The following USP9X variants were observed in gnomAD, a reference collection of about 807,000 sequenced individuals.
The protein encoded by USP9X is ubiquitin specific peptidase 9 X-linked.
USP9X carries 7 observed loss-of-function variants against 190.3 expected under a neutral mutation model. That is an observed-to-expected ratio of 0.04 (90% CI 0.02 to 0.07). The LOEUF (loss-of-function observed/expected upper bound fraction) is 0.07. Ranked by LOEUF, USP9X falls within the 10% of genes least tolerant of loss-of-function variation. The pLI is 1.00. For synonymous variants in USP9X, 645 were observed against 659.5 expected, an observed-to-expected ratio of 0.98 and a Z score of 0.34; for missense variants, 1,010 against 1,916.9, an observed-to-expected ratio of 0.53 and a Z score of 8.83.
intron 1 of USP9X, among the ~76,000 whole-genome samples, chrX:41,109,873 A>G (rs2062096391): frequency 8.9e-6 from 1 of 111,909 alleles, no homozygotes; most frequent in African/African-American, 3.3e-5. Context: ...GCAAATGATA[A>G]TGGCAGTGCT....
intron 11 of USP9X, among the ~76,000 whole-genome samples, chrX:41,146,517 A>G (rs992585850): frequency 9.0e-6 from 1 of 111,716 alleles, no homozygotes; most frequent in African/African-American, 3.2e-5. Flanking sequence ...TATCTTTGCC[A>G]GCACTTGTTC....
chrX:41,201,115 C>A lies in USP9X; in HGVS notation c.4659C>A (p.Pro1553=). The A allele has an allele frequency of 7.4e-6, 9 of 1,211,612 alleles. No individual in the cohort carries two copies. Among genetic ancestry groups the A allele is most frequent in the Non-Finnish European group, 1.0e-5 (9 of 895,502 alleles). Residue 1553 remains proline, a synonymous_variant, in exon 31 of 45, where the codon CCC becomes CCA. Coordinates refer to ENST00000378308, the MANE Select transcript of USP9X (RefSeq NM_001039591.3). ...EYLPPVGPRP[P]KGFVGLKNAG... is the part of the protein sequence containing the mutation. The stretch of plus-strand genomic sequence containing the variant: ...TGCCACCTGTTGGACCCCGCCCACC[C>A]AAAGGATTCGTGGGGCTGAAAAATG...
At chrX:41,098,922 G>GT (rs1249304980) in intron 1 of USP9X, among the ~76,000 whole-genome samples, 2 of 106,289 alleles carry the variant, frequency 1.9e-5, no homozygotes, top group African/African-American at 3.5e-5. Context: ...ATTGAGGTGG[G>GT]TTTTTTTCAT....
intron 14 of USP9X, among the ~76,000 whole-genome samples, chrX:41,160,838 A>G (rs1379455710): frequency 3.6e-5 from 4 of 112,271 alleles, no homozygotes; most frequent in Non-Finnish European, 7.5e-5. Flanking sequence ...AATGCAATGT[A>G]TATTTAATCT....
chrX:41,211,944 A>G (rs1371731846), intron 33 of USP9X, among the ~76,000 whole-genome samples: 1 of 112,270 alleles, frequency 8.9e-6, no homozygotes, highest in African/African-American at 3.2e-5. Flanking sequence ...CCCGGCCACC[A>G]CCCCGTCTGG....
intron 1 of USP9X, among the ~76,000 whole-genome samples, chrX:41,122,107 T>C (rs942258778): frequency 3.6e-5 from 4 of 109,742 alleles, no homozygotes; most frequent in African/African-American, 6.7e-5. Context: ...GTTTTCAGGG[T>C]TTTTTGTTTG....
At chrX:41,151,108 AT>A (rs996633328) in intron 13 of USP9X, 51 bp downstream of exon 13, 1 of 1,120,960 alleles carries the variant, frequency 8.9e-7, no homozygotes, top group African/African-American at 1.8e-5. Context: ...TATGTACTTT[AT>A]TGAAAAGAAA....
rs145800635 is a variant in USP9X, at chrX:41,163,403, C to T, written c.1985+526C>T. Among the ~76,000 whole-genome samples the T allele has an allele frequency of 9.9e-3, 1,080 of 108,776 alleles. 16 individuals carry two copies. Among genetic ancestry groups the T allele is most frequent in the African/African-American group, 0.035 (1,026 of 29,734 alleles). 94.5% of individuals were successfully genotyped at this position (108,776 alleles called of 115,157 possible). A position where few individuals can be genotyped will look rare whatever the true frequency, so the allele number is the denominator to read the frequency against. Reference sequence around the variant, plus strand: ...GTAGTCTAGGGCTGGATTTTCTCTGCAATATTTAGCGTTTGGTGATCATAC... The same window carrying T: ...GTAGTCTAGGGCTGGATTTTCTCTGTAATATTTAGCGTTTGGTGATCATAC... On this transcript the variant is annotated intron_variant, in intron 15 of 44. Transcript: ENST00000378308.
intron 32 of USP9X, among the ~76,000 whole-genome samples, chrX:41,207,937 T>C (rs969463254): frequency 3.6e-5 from 4 of 111,069 alleles, no homozygotes; most frequent in African/African-American, 1.3e-4. Flanking sequence ...TCTGTCTTCT[T>C]TCCCTAGGTT....
chrX:41,099,314 T>C (rs1260900143), intron 1 of USP9X, among the ~76,000 whole-genome samples: 1 of 109,518 alleles, frequency 9.1e-6, no homozygotes, highest in African/African-American at 3.3e-5. Flanking sequence ...TATATGTCTT[T>C]TGGTGGTCTT....
chrX:41,098,657 G>C (rs1423811684), intron 1 of USP9X, among the ~76,000 whole-genome samples: 1 of 108,566 alleles, frequency 9.2e-6, no homozygotes, highest in Non-Finnish European at 1.9e-5. Context: ...CCAGGTTCAA[G>C]TGATTCTCTT....
At chrX:41,116,896 A>C (rs1363587661) in intron 1 of USP9X, among the ~76,000 whole-genome samples, 1 of 111,635 alleles carries the variant, frequency 9.0e-6, no homozygotes, top group Non-Finnish European at 1.9e-5. Context: ...ATTTTGAATG[A>C]GTTATGTTTG....
At position 41,134,101 on chromosome X, in the gene USP9X, C is replaced by G. The variant is rs754258733; in HGVS notation, c.323-624C>G. 9.4e-4 allele frequency among the ~76,000 whole-genome samples: 105 copies of G among 111,675 alleles called. 1 individual carries two copies. The Middle Eastern group carries it at 0.027, about 29-fold the overall frequency. ...CCACCATATTTTTTTTCTGAGACCA[C>G]GGTTATTTTCAACAAGTTCCAAATT... is the stretch of plus-strand genomic sequence containing the variant. On this transcript the variant is annotated intron_variant, in intron 4 of 44. Coordinates refer to ENST00000378308, the MANE Select transcript of USP9X (RefSeq NM_001039591.3).
In USP9X at chrX:41,207,006, G is replaced by C. The variant is rs189884298; in HGVS notation, c.5015+1513G>C. 7.1e-4 allele frequency among the ~76,000 whole-genome samples: 75 copies of C among 105,035 alleles called. 1 individual carries two copies. In the Admixed American group the frequency reaches 7.2e-3, roughly 10 times the overall value. The allele number at this position is 105,035 out of a possible 115,157, so 91.2% of individuals were successfully genotyped here. On this transcript the variant is annotated intron_variant, in intron 32 of 44. Coordinates refer to ENST00000378308, the MANE Select transcript of USP9X (RefSeq NM_001039591.3). ...TCACCATGTTGGCCAGTCTGGTCTCGAACTCCTGACCTCAGGTGATCTGCC... is the reference window on the plus strand; with the variant it reads ...TCACCATGTTGGCCAGTCTGGTCTCCAACTCCTGACCTCAGGTGATCTGCC...
intron 1 of USP9X, among the ~76,000 whole-genome samples, chrX:41,090,168 A>C (rs1005867081): frequency 8.3e-5 from 9 of 108,882 alleles, no homozygotes; most frequent in African/African-American, 3.0e-4. Context: ...GGGCCTCCCG[A>C]AGTGTTAGGA....
chrX:41,202,557 A>T (rs1250820429), intron 31 of USP9X, among the ~76,000 whole-genome samples: 2 of 111,495 alleles, frequency 1.8e-5, no homozygotes, highest in African/African-American at 3.3e-5. Flanking sequence ...TGCTCTGAAG[A>T]AGTAGTTTAT....
intron 34 of USP9X, 65 bp downstream of exon 34, chrX:41,214,774 T>C (rs1243600536): frequency 1.8e-6 from 2 of 1,090,458 alleles, no homozygotes; most frequent in African/African-American, 3.8e-5. Context: ...AATTGGTTTT[T>C]TTGGTTCATC....
chrX:41,095,396 GA>G (rs940078096), intron 1 of USP9X, among the ~76,000 whole-genome samples: 3 of 112,181 alleles, frequency 2.7e-5, no homozygotes, highest in African/African-American at 9.7e-5. Flanking sequence ...GTTTGGGGCA[GA>G]TAAGTCTTTG....
chrX:41,178,246 A>G (rs1389473669), intron 21 of USP9X, among the ~76,000 whole-genome samples: 2 of 106,063 alleles, frequency 1.9e-5, no homozygotes, highest in East Asian at 5.9e-4. Flanking sequence ...GATTACAGGC[A>G]CCTGCCCTCA....
Sources: gnomAD v4.1 joint callset for allele counts (sites outside exome capture counted in the v4.1 genomes callset) on GRCh38, gnomAD v4.1.1 for gene constraint, MANE v1.5 for transcripts, NCBI Gene and HGNC (gene_info 2026-07-23, HGNC 2026-07-21) for gene names.